Variants in PCSK2 observed in about 807,000 individuals in gnomAD.
The protein encoded by PCSK2 is proprotein convertase subtilisin/kexin type 2, also known as neuroendocrine convertase 2.
Under a neutral mutation model 69.7 loss-of-function variants are expected in PCSK2, and 14 were observed. The ratio of observed to expected loss-of-function variants is 0.20; its 90% CI spans 0.13 to 0.31. The LOEUF (loss-of-function observed/expected upper bound fraction) is 0.31. Among genes scored for constraint, PCSK2 ranks in the 10% least tolerant of loss-of-function variants. The pLI is 1.00. For synonymous variants in PCSK2, 307 were observed against 320.7 expected, an observed-to-expected ratio of 0.96 and a Z score of 0.46; for missense variants, 544 against 842.5, an observed-to-expected ratio of 0.65 and a Z score of 4.39.
chr20:17,361,868 G>C (rs2030408287), intron 4 of PCSK2, among the ~76,000 whole-genome samples: 1 of 152,206 alleles, frequency 6.6e-6, no homozygotes, highest in Non-Finnish European at 1.5e-5. Flanking sequence ...GTTTATAAAT[G>C]TTTCTTCTTT....
At chr20:17,373,940 C>T (rs904512968) in intron 5 of PCSK2, among the ~76,000 whole-genome samples, 1 of 152,164 alleles carries the variant, frequency 6.6e-6, no homozygotes, top group African/African-American at 2.4e-5. Flanking sequence ...TGAATTTCAT[C>T]GGAGGGATCC....
intron 2 of PCSK2, among the ~76,000 whole-genome samples, chr20:17,312,009 T>G (rs1989532094): frequency 6.6e-6 from 1 of 152,212 alleles, no homozygotes; most frequent in Non-Finnish European, 1.5e-5. Context: ...AGATATTCCA[T>G]TCAGATTTTA....
chr20:17,422,801 C>T (rs1289859320), intron 6 of PCSK2, among the ~76,000 whole-genome samples: 1 of 151,920 alleles, frequency 6.6e-6, no homozygotes, highest in Non-Finnish European at 1.5e-5. Context: ...GATCAAGAAA[C>T]AGAATAGAGA....
intron 2 of PCSK2, among the ~76,000 whole-genome samples, chr20:17,269,276 G>A (rs914464517): frequency 2.6e-5 from 4 of 152,098 alleles, no homozygotes; most frequent in African/African-American, 9.7e-5. Flanking sequence ...AATGAGTGTA[G>A]ATATAGAAGA....
intron 2 of PCSK2, among the ~76,000 whole-genome samples, chr20:17,294,274 T>G (rs1287135281): frequency 4.7e-5 from 7 of 148,592 alleles, no homozygotes; most frequent in African/African-American, 1.0e-4. Flanking sequence ...CCGGCTAATT[T>G]TTTTTGTATT....
At chr20:17,400,233 A>G (rs1256368471) in intron 5 of PCSK2, among the ~76,000 whole-genome samples, 1 of 152,172 alleles carries the variant, frequency 6.6e-6, no homozygotes, top group East Asian at 1.9e-4. Context: ...ATTCTTTTTT[A>G]TTTGCCAGGT....
chr20:17,442,964 C>T (rs2032627859), intron 8 of PCSK2, among the ~76,000 whole-genome samples: 1 of 98,088 alleles, frequency 1.0e-5, no homozygotes, highest in Admixed American at 9.6e-5. Flanking sequence ...GGAGGAAAAA[C>T]ACCTGAAACC....
At chr20:17,242,293 CT>C (rs1986608859) in intron 1 of PCSK2, among the ~76,000 whole-genome samples, 2 of 152,354 alleles carry the variant, frequency 1.3e-5, no homozygotes, top group Admixed American at 6.5e-5. Flanking sequence ...TGACTTACCC[CT>C]CTCTCCCCTA....
intron 11 of PCSK2, among the ~76,000 whole-genome samples, chr20:17,467,779 A>C (rs2033126997): frequency 1.3e-5 from 2 of 152,180 alleles, no homozygotes; most frequent in African/African-American, 4.8e-5. Flanking sequence ...CTTTAGCAAC[A>C]CACAAGTCTA....
intron 5 of PCSK2, among the ~76,000 whole-genome samples, chr20:17,381,215 T>C (rs2031078147): frequency 6.6e-6 from 1 of 152,166 alleles, no homozygotes; most frequent in Admixed American, 6.5e-5. Context: ...TACTAACCAA[T>C]AATTAAAACC....
chr20:17,456,268 G>C lies in PCSK2; in HGVS notation c.1102-80G>C, dbSNP rs567119507. ...AATAAATGAATAAATAAAAGGAGTA[G>C]ATAATCCCCTGCTCCACATTGTGCG... is the stretch of plus-strand genomic sequence containing the variant. On this transcript the variant is annotated intron_variant, in intron 9 of 11. Transcript: ENST00000262545. 64 of 751,236 alleles carry C rather than the reference G, an allele frequency of 8.5e-5. No individual in the cohort carries two copies. The African/African-American group carries it at 8.5e-4, about 10-fold the overall frequency. The allele number at this position is 751,236 out of a possible 1,614,324, so 46.5% of individuals were successfully genotyped here. A position where few individuals can be genotyped will look rare whatever the true frequency, so the allele number is the denominator to read the frequency against.
At chr20:17,384,425 C>A (rs113371290) in intron 5 of PCSK2, among the ~76,000 whole-genome samples, 4,029 of 106,502 alleles carry the variant, frequency 0.038, 87 homozygotes, top group Admixed American at 0.063. Flanking sequence ...CCATATCTAC[C>A]AAAAAAAAAA....
intron 2 of PCSK2, among the ~76,000 whole-genome samples, chr20:17,333,782 T>C (rs935268119): frequency 6.6e-6 from 1 of 151,544 alleles, no homozygotes; most frequent in Admixed American, 6.6e-5. Context: ...ATCTGTAAAA[T>C]AGGGATGATA....
chr20:17,296,923 C>T (rs1328044163), intron 2 of PCSK2, among the ~76,000 whole-genome samples: 1 of 152,138 alleles, frequency 6.6e-6, no homozygotes, highest in Non-Finnish European at 1.5e-5. Context: ...ATCATATTTC[C>T]TTGCAGACCA....
chr20:17,405,740 G>T (rs1280467317), intron 5 of PCSK2, among the ~76,000 whole-genome samples: 4 of 152,182 alleles, frequency 2.6e-5, no homozygotes, highest in African/African-American at 4.8e-5. Flanking sequence ...CAAATATTCA[G>T]AAATTAAGCC....
chr20:17,328,100 A>C (rs1191562805), intron 2 of PCSK2, among the ~76,000 whole-genome samples: 1 of 152,228 alleles, frequency 6.6e-6, no homozygotes, highest in African/African-American at 2.4e-5. Flanking sequence ...GAAAATGAAC[A>C]AAGAGGATAA....
intron 5 of PCSK2, among the ~76,000 whole-genome samples, chr20:17,404,811 T>C (rs2031717934): frequency 6.6e-6 from 1 of 152,246 alleles, no homozygotes; most frequent in Non-Finnish European, 1.5e-5. Flanking sequence ...TGGCAAACTC[T>C]TTCCGATAAA....
chr20:17,342,304 T>G (rs1393876836), intron 2 of PCSK2, among the ~76,000 whole-genome samples: 1 of 152,200 alleles, frequency 6.6e-6, no homozygotes, highest in Non-Finnish European at 1.5e-5. Context: ...TCTATAACGC[T>G]CTTGTTTGTT....
At chr20:17,402,031 T>C (rs1054981850) in intron 5 of PCSK2, among the ~76,000 whole-genome samples, 1 of 152,154 alleles carries the variant, frequency 6.6e-6, no homozygotes, top group Non-Finnish European at 1.5e-5. Context: ...CATGCTTCAC[T>C]GGCCTTCTAA....
Sources: gnomAD v4.1 joint callset for allele counts (sites outside exome capture counted in the v4.1 genomes callset) on GRCh38, gnomAD v4.1.1 for gene constraint, MANE v1.5 for transcripts, NCBI Gene and HGNC (gene_info 2026-07-23, HGNC 2026-07-21) for gene names.